The following DAPP1 variants were observed in gnomAD, a reference collection of about 807,000 sequenced individuals.
DAPP1 encodes the protein dual adapter for phosphotyrosine and 3-phosphotyrosine and 3-phosphoinositide.
A neutral mutation model predicts 41.5 loss-of-function variants in DAPP1; 20 were observed. The ratio of observed to expected loss-of-function variants is 0.48; its 90% CI spans 0.34 to 0.70. The LOEUF (loss-of-function observed/expected upper bound fraction) is 0.70, where lower values mean the gene tolerates loss of function less well. Ranked by LOEUF, DAPP1 falls within the 30% of genes least tolerant of loss-of-function variation. The pLI, the probability that DAPP1 is intolerant of heterozygous loss-of-function variation, is 0.01. For missense variants in DAPP1, 233 were observed against 333.4 expected, an observed-to-expected ratio of 0.70 and a Z score of 2.35; for synonymous variants, 113 against 116.2, an observed-to-expected ratio of 0.97 and a Z score of 0.18.
At position 99,863,827 on chromosome 4, in the gene DAPP1, T is replaced by C; in HGVS notation, c.658T>C (p.Tyr220His). ...AGAATGTTCAGCTGTACAATTCGAT[T>C]ATTCACAAGAAAGGGTAAACTGTTT... ...LTECSAVQFD[Y>H]SQERVNCFCL... The change falls in exon 7 of 9, where the codon TAT becomes CAT. Residue 220 changes from tyrosine (Y) to histidine (H), a missense_variant. By Grantham distance (83) the Tyr-to-His change is moderately conservative. Coordinates refer to ENST00000512369, the MANE Select transcript of DAPP1 (RefSeq NM_014395.3). 6.2e-7 allele frequency: 1 copy of C among 1,600,208 alleles called. No individual in the cohort carries two copies. The highest frequency in any genetic ancestry group is 8.5e-7 in the Non-Finnish European group (1 of 1,172,300).
At chr4:99,824,103 T>C (rs550926056) in intron 1 of DAPP1, among the ~76,000 whole-genome samples, 1 of 152,324 alleles carries the variant, frequency 6.6e-6, no homozygotes, top group East Asian at 1.9e-4. Flanking sequence ...TTGGGTTGAT[T>C]CACCAGATAC....
At chr4:99,855,166 T>C (rs1257049060) in intron 4 of DAPP1, among the ~76,000 whole-genome samples, 2 of 152,190 alleles carry the variant, frequency 1.3e-5, no homozygotes, top group Non-Finnish European at 2.9e-5. Context: ...AACCAATTCT[T>C]GTTTTCCAGT....
intron 1 of DAPP1, among the ~76,000 whole-genome samples, chr4:99,828,885 C>T (rs1254049946): frequency 6.6e-6 from 1 of 152,166 alleles, no homozygotes; most frequent in Non-Finnish European, 1.5e-5. Context: ...AGACTTGAGA[C>T]ATAATTATGG....
intron 3 of DAPP1, among the ~76,000 whole-genome samples, chr4:99,842,105 G>A (rs1037019077): frequency 2.6e-5 from 4 of 152,180 alleles, no homozygotes; most frequent in Non-Finnish European, 5.9e-5. Context: ...TCAGGCAAGA[G>A]GATCACCTAA....
chr4:99,861,460 T>A, intron 4 of DAPP1, 118 bp from the exon 5 acceptor site: 1 of 1,094,680 alleles, frequency 9.1e-7, no homozygotes, highest in Non-Finnish European at 1.3e-6. Flanking sequence ...TGAAAAATGA[T>A]AGACAGTAAT....
intron 1 of DAPP1, among the ~76,000 whole-genome samples, chr4:99,818,097 G>A (rs1273336424): frequency 6.6e-6 from 1 of 152,180 alleles, no homozygotes; most frequent in African/African-American, 2.4e-5. Flanking sequence ...TACTGTAAAA[G>A]TTTATTAATA....
chr4:99,847,518 GTTT>G (rs1723706061), intron 3 of DAPP1, among the ~76,000 whole-genome samples: 1 of 152,186 alleles, frequency 6.6e-6, no homozygotes, highest in African/African-American at 2.4e-5. Context: ...CTGAAACCAG[GTTT>G]CATGTCAAAG....
chr4:99,856,211 T>A lies in DAPP1; in HGVS notation c.489+2863T>A, dbSNP rs547980886. On this transcript the variant is annotated intron_variant, in intron 4 of 8. Coordinates refer to ENST00000512369, the MANE Select transcript of DAPP1 (RefSeq NM_014395.3). ...CACTGAGCTCACATTCTAGTGAAGA[T>A]CACAGACAATAATCAATGCAGTAAT... Among the ~76,000 whole-genome samples, 555 of 152,186 alleles carry A rather than the reference T, an allele frequency of 3.6e-3. 1 individual carries two copies. Among genetic ancestry groups the A allele is most frequent in the African/African-American group, 0.013 (533 of 41,488 alleles).
At chr4:99,823,656 A>G (rs80347950) in intron 1 of DAPP1, among the ~76,000 whole-genome samples, 1,744 of 152,322 alleles carry the variant, frequency 0.011, 40 homozygotes, top group African/African-American at 0.039. Context: ...GATTTGGTCA[A>G]TGAACAATGT....
At chr4:99,847,090 G>T (rs908394724) in intron 3 of DAPP1, among the ~76,000 whole-genome samples, 2 of 152,178 alleles carry the variant, frequency 1.3e-5, no homozygotes, top group African/African-American at 2.4e-5. Flanking sequence ...TCAACAAAAT[G>T]TTTTGAGTGA....
chr4:99,868,067 T>C (rs765216650), intron 8 of DAPP1, 50 bp from the exon 9 acceptor site: 1 of 1,478,422 alleles, frequency 6.8e-7, no homozygotes, highest in Non-Finnish European at 9.5e-7. Flanking sequence ...GAAGCCAGGG[T>C]TCATTACAAT....
chr4:99,826,457 G>C (rs1414652892), intron 1 of DAPP1, among the ~76,000 whole-genome samples: 1 of 152,120 alleles, frequency 6.6e-6, no homozygotes, highest in Non-Finnish European at 1.5e-5. Flanking sequence ...TGATGAAACA[G>C]AATTGAGGTT....
intron 3 of DAPP1, among the ~76,000 whole-genome samples, chr4:99,851,540 T>TG: frequency 7.4e-6 from 1 of 134,912 alleles, no homozygotes; most frequent in African/African-American, 2.8e-5. Context: ...TGTAGTTTTT[T>TG]TTTTTTTTTT....
At chr4:99,829,561 AG>A (rs1723051439) in intron 1 of DAPP1, among the ~76,000 whole-genome samples, 1 of 152,256 alleles carries the variant, frequency 6.6e-6, no homozygotes, top group African/African-American at 2.4e-5. Context: ...GCTACTTGCC[AG>A]GGGGTCACAT....
intron 1 of DAPP1, among the ~76,000 whole-genome samples, chr4:99,817,848 AG>A (rs1722642529): frequency 6.6e-6 from 1 of 152,226 alleles, no homozygotes; most frequent in African/African-American, 2.4e-5. Context: ...CTGGACAAAT[AG>A]CTCTAACTCT....
chr4:99,847,893 A>G (rs1479992273), intron 3 of DAPP1, among the ~76,000 whole-genome samples: 1 of 152,056 alleles, frequency 6.6e-6, no homozygotes, highest in Non-Finnish European at 1.5e-5. Context: ...GGCTCACTGC[A>G]ACCTCTGACT....
intron 4 of DAPP1, among the ~76,000 whole-genome samples, chr4:99,855,433 A>T (rs778646628): frequency 6.6e-6 from 1 of 152,214 alleles, no homozygotes; most frequent in Non-Finnish European, 1.5e-5. Flanking sequence ...ATGCAGAAAT[A>T]AACCTCTTTA....
chr4:99,840,287 A>AG lies in DAPP1; in HGVS notation c.226dup. ...TATTAAATACTTCTTTTTCCCTTTT[A>AG]GGGCCAAAGATTCTGTTAAACACTT... On this transcript the variant is annotated splice_acceptor_variant, in intron 2 of 8. Coordinates refer to ENST00000512369, the MANE Select transcript of DAPP1 (RefSeq NM_014395.3). LOFTEE classifies it high-confidence loss of function. The AG allele has an allele frequency of 1.3e-6, 2 of 1,523,820 alleles. No individual in the cohort carries two copies. The highest frequency in any genetic ancestry group is 1.8e-6 in the Non-Finnish European group (2 of 1,128,362). The allele number at this position is 1,523,820 out of a possible 1,614,324, so 94.4% of individuals were successfully genotyped here. A position where few individuals can be genotyped will look rare whatever the true frequency, so the allele number is the denominator to read the frequency against.
intron 3 of DAPP1, among the ~76,000 whole-genome samples, chr4:99,845,170 C>T (rs187659614): frequency 3.8e-4 from 58 of 152,318 alleles, no homozygotes; most frequent in South Asian, 6.2e-4. Context: ...GAAAGGAAAA[C>T]TCAGAGGTTT....
Sources: allele counts gnomAD v4.1 joint callset (sites outside exome capture counted in the v4.1 genomes callset), GRCh38; gene constraint gnomAD v4.1.1; transcripts MANE v1.5; gene names NCBI Gene and HGNC (gene_info 2026-07-23, HGNC 2026-07-21).